GPR158: variants seen among roughly 807,000 people sequenced by gnomAD.
GPR158 encodes the protein metabotropic glycine receptor.
In GPR158, 30 loss-of-function variants were observed where a neutral mutation model predicts 78.2. That is an observed-to-expected ratio of 0.38 (90% CI 0.29 to 0.52). The LOEUF (loss-of-function observed/expected upper bound fraction) is 0.52, where lower values mean the gene tolerates loss of function less well. GPR158 is among the 20% of genes least tolerant of loss of function. The pLI, the probability that GPR158 is intolerant of heterozygous loss-of-function variation, is 0.83. For synonymous variants in GPR158, 581 were observed against 591.1 expected (o/e 0.98, Z 0.25); for missense variants, 1,463 against 1,523.5 (o/e 0.96, Z 0.66).
chr10:25,298,646 T>G (rs116932231), intron 2 of GPR158, among the ~76,000 whole-genome samples: 2,568 of 152,308 alleles, frequency 0.017, 26 homozygotes, highest in Non-Finnish European at 0.027. Flanking sequence ...GGTGGGTTGT[T>G]CAAATTTTTG....
chr10:25,319,822 AC>A (rs11379091), intron 2 of GPR158, among the ~76,000 whole-genome samples: 1,454 of 134,194 alleles, frequency 0.011, 27 homozygotes, highest in African/African-American at 0.039. Context: ...TGAACACCCC[AC>A]CCCCCCCAAA....
At chr10:25,425,557 A>G (rs1588857424) in intron 4 of GPR158, among the ~76,000 whole-genome samples, 2 of 152,108 alleles carry the variant, frequency 1.3e-5, no homozygotes, top group South Asian at 4.2e-4. Context: ...AATATATGGT[A>G]CTTAAACAAA....
At chr10:25,187,046 A>G (rs1484106474) in intron 1 of GPR158, among the ~76,000 whole-genome samples, 1 of 148,524 alleles carries the variant, frequency 6.7e-6, no homozygotes, top group African/African-American at 2.5e-5. Context: ...CTCACTGCAA[A>G]CTCCACCTCC....
rs115525375 is a variant in GPR158, at chr10:25,439,746, G to A, written c.1336-26905G>A. ...TTTTAGTCTTTACCTTGAAACATGTGGAAAGCTTGTCAAACTCAGTGCAAA... is the reference window on the plus strand; with the variant it reads ...TTTTAGTCTTTACCTTGAAACATGTAGAAAGCTTGTCAAACTCAGTGCAAA... On this transcript the variant is annotated intron_variant, in intron 4 of 10. Transcript: ENST00000376351. Among the ~76,000 whole-genome samples, 1,406 of 152,186 alleles carry A rather than the reference G, an allele frequency of 9.2e-3. 22 individuals are homozygous for A. The highest frequency in any genetic ancestry group is 0.032 in the African/African-American group (1,326 of 41,516).
intron 1 of GPR158, among the ~76,000 whole-genome samples, chr10:25,198,570 TTAA>T (rs1305905000): frequency 2.0e-5 from 3 of 152,210 alleles, no homozygotes; most frequent in African/African-American, 7.2e-5. Flanking sequence ...ATAACTATTA[TTAA>T]TGATGCTAGA....
chr10:25,440,088 G>A (rs1835048674), intron 4 of GPR158, among the ~76,000 whole-genome samples: 1 of 152,128 alleles, frequency 6.6e-6, no homozygotes, highest in South Asian at 2.1e-4. Context: ...TGAACCTGTT[G>A]GTAGGTTTTA....
chr10:25,192,117 T>A (rs532445262), intron 1 of GPR158, among the ~76,000 whole-genome samples: 1 of 152,140 alleles, frequency 6.6e-6, no homozygotes, highest in East Asian at 1.9e-4. Context: ...CAGGTGGAGG[T>A]AATTGGATCG....
At chr10:25,419,650 T>C (rs1588854081) in intron 4 of GPR158, among the ~76,000 whole-genome samples, 1 of 152,246 alleles carries the variant, frequency 6.6e-6, no homozygotes, top group East Asian at 1.9e-4. Context: ...ACATTTGTCA[T>C]TTTCTGTTGT....
At chr10:25,339,068 G>C (rs1339290433) in intron 2 of GPR158, among the ~76,000 whole-genome samples, 1 of 147,524 alleles carries the variant, frequency 6.8e-6, no homozygotes, top group East Asian at 2.0e-4. Context: ...TGCCCAGAAA[G>C]CCTGGAGTGC....
intron 4 of GPR158, among the ~76,000 whole-genome samples, chr10:25,432,018 A>T (rs990048033): frequency 7.4e-4 from 22 of 29,618 alleles, no homozygotes; most frequent in East Asian, 4.9e-3. Context: ...TAAAATAAAA[A>T]AAAATGCAAA....
intron 5 of GPR158, among the ~76,000 whole-genome samples, chr10:25,488,199 C>CAG (rs1835758922): frequency 6.6e-6 from 1 of 152,016 alleles, no homozygotes. Flanking sequence ...GCATCTTTAT[C>CAG]CATTGAAGAG....
chr10:25,378,416 TA>T (rs1265355512), intron 2 of GPR158, among the ~76,000 whole-genome samples: 3 of 144,346 alleles, frequency 2.1e-5, no homozygotes, highest in Non-Finnish European at 4.6e-5. Context: ...TTTTTTTTTT[TA>T]AATCATTGTT....
chr10:25,178,632 C>T (rs1355165975), intron 1 of GPR158, among the ~76,000 whole-genome samples: 1 of 152,158 alleles, frequency 6.6e-6, no homozygotes, highest in East Asian at 1.9e-4. Context: ...ACACAGCCAG[C>T]CATTTAGTGT....
chr10:25,495,295 CTTTT>C (rs71399976), intron 5 of GPR158, among the ~76,000 whole-genome samples: 1 of 91,096 alleles, frequency 1.1e-5, no homozygotes, highest in Non-Finnish European at 2.0e-5. Context: ...TTCTTTTCTG[CTTTT>C]TTTTTTTTTT....
intron 5 of GPR158, among the ~76,000 whole-genome samples, chr10:25,486,097 A>G (rs532730244): frequency 4.6e-5 from 7 of 152,200 alleles, no homozygotes; most frequent in African/African-American, 1.7e-4. Context: ...CGGAGAAATA[A>G]ATTTCTGTTG....
At chr10:25,221,180 C>G (rs1415413529) in intron 2 of GPR158, 23 bp downstream of exon 2, 1 of 1,143,660 alleles carries the variant, frequency 8.7e-7, no homozygotes, top group South Asian at 1.3e-5. Flanking sequence ...AAATAAAATC[C>G]TCTTTAAGCT....
At chr10:25,528,145 G>A (rs1192441901) in intron 5 of GPR158, among the ~76,000 whole-genome samples, 1 of 151,246 alleles carries the variant, frequency 6.6e-6, no homozygotes, top group Non-Finnish European at 1.5e-5. Flanking sequence ...GAAAATAGAG[G>A]AAAAGGAAAT....
At chr10:25,353,242 A>C (rs998305252) in intron 2 of GPR158, among the ~76,000 whole-genome samples, 2 of 152,148 alleles carry the variant, frequency 1.3e-5, no homozygotes, top group Non-Finnish European at 1.5e-5. Flanking sequence ...TTATTATTTA[A>C]CATTTCTGTA....
At chr10:25,414,592 T>G (rs934914596) in intron 4 of GPR158, among the ~76,000 whole-genome samples, 1 of 152,156 alleles carries the variant, frequency 6.6e-6, no homozygotes, top group Non-Finnish European at 1.5e-5. Flanking sequence ...TAAAAGCAAC[T>G]GTAAAAATGA....
Sources: allele counts gnomAD v4.1 joint callset (sites outside exome capture counted in the v4.1 genomes callset), GRCh38; gene constraint gnomAD v4.1.1; transcripts MANE v1.5; gene names NCBI Gene and HGNC (gene_info 2026-07-23, HGNC 2026-07-21).